Variants in NTRK1 observed in about 807,000 individuals in gnomAD.
NTRK1 encodes neurotrophic receptor tyrosine kinase 1, also known as high affinity nerve growth factor receptor.
A neutral mutation model predicts 86.8 loss-of-function variants in NTRK1; 62 were observed. That is an observed-to-expected ratio of 0.71 (90% CI 0.58 to 0.88). The LOEUF (loss-of-function observed/expected upper bound fraction) is 0.88, where lower values mean the gene tolerates loss of function less well. Among genes scored for constraint, NTRK1 ranks in the 40% least tolerant of loss-of-function variants. The probability of loss-of-function intolerance (pLI) is 0.00; values close to 1 mark genes in which losing one functional copy is unlikely to be tolerated. For synonymous variants in NTRK1, 469 were observed against 456.6 expected (o/e 1.03, Z -0.35); for missense variants, 967 against 1,078.4 (o/e 0.90, Z 1.45).
intron 6 of NTRK1, among the ~76,000 whole-genome samples, 175 bp downstream of exon 6, chr1:156,868,822 A>G (rs1647345023): frequency 2.0e-5 from 3 of 152,182 alleles, no homozygotes; most frequent in Admixed American, 1.3e-4. Context: ...GCTCTGGGGC[A>G]GCCCAGGGCA....
At chr1:156,853,564 G>T (rs1655304060) in intron 2 of NTRK1, among the ~76,000 whole-genome samples, 1 of 152,108 alleles carries the variant, frequency 6.6e-6, no homozygotes, top group African/African-American at 2.4e-5. Flanking sequence ...CTACCCCTTA[G>T]CTGTCTTATG....
Position 156,874,396 on chromosome 1 carries a change from G to A in NTRK1, c.1191G>A (p.Pro397=), listed in dbSNP as rs756623123. 1.4e-5 allele frequency: 23 copies of A among 1,613,930 alleles called. No homozygotes were observed. The highest frequency in any genetic ancestry group is 3.3e-5 in the Admixed American group (2 of 59,994). The change falls in exon 9 of 17, where the codon CCG becomes CCA. Residue 397 remains proline (P), a synonymous_variant. Transcript: ENST00000524377. ...CTCCTGCTGCAGTCTCCTTCTCGCCGGTGGGTGAGTAGCCCAAGGTGGAGG... is the reference window on the plus strand; with the variant it reads ...CTCCTGCTGCAGTCTCCTTCTCGCCAGTGGGTGAGTAGCCCAAGGTGGAGG... ...PEDPIPVSFS[P]VDTNSTSGDP... is the part of the protein sequence containing the mutation.
chr1:156,874,424 A>G (rs2102909117), intron 9 of NTRK1, 24 bp downstream of exon 9: 1 of 1,614,024 alleles, frequency 6.2e-7, no homozygotes. Context: ...GGTGGAGGGC[A>G]GGTTCTGCCT....
rs2102916477 is a variant in NTRK1 at position 156,875,945 on chromosome 1, G to A, written c.1502-135G>A. The A allele has an allele frequency of 4.4e-6, 6 of 1,369,004 alleles. No individual in the cohort carries two copies. In the South Asian group the frequency reaches 5.9e-5, roughly 13 times the overall value. 84.8% of individuals were successfully genotyped at this position (1,369,004 alleles called of 1,614,324 possible). A position where few individuals can be genotyped will look rare whatever the true frequency, so the allele number is the denominator to read the frequency against. On this transcript the variant is annotated intron_variant, in intron 12 of 16. Coordinates refer to ENST00000524377, the MANE Select transcript of NTRK1 (RefSeq NM_002529.4). ...ACATGGGGCTTGCTGAAGGGGTGCA[G>A]GTTGAATTTTAGCCCCCATGCAGTC...
intron 6 of NTRK1, among the ~76,000 whole-genome samples, chr1:156,870,510 G>T (rs1458034270): frequency 6.6e-6 from 1 of 152,230 alleles, no homozygotes; most frequent in Admixed American, 6.5e-5. Context: ...AGTTGGAGGG[G>T]ATGGGACAGC....
chr1:156,858,314 C>A (rs927809738), upstream of NTRK1, among the ~76,000 whole-genome samples: 2 of 152,156 alleles, frequency 1.3e-5, no homozygotes, highest in Non-Finnish European at 2.9e-5. Context: ...TCTACTTGTC[C>A]ACGTTTTGAA....
rs77261200 is a variant in NTRK1, at chr1:156,863,586, G to C, written c.213-768G>C. 5.2e-3 allele frequency among the ~76,000 whole-genome samples: 795 copies of C among 152,226 alleles called. 25 individuals are homozygous for C. The East Asian group carries it at 0.095, about 18-fold the overall frequency. On this transcript the variant is annotated intron_variant, in intron 1 of 16. Coordinates refer to ENST00000524377, the MANE Select transcript of NTRK1 (RefSeq NM_002529.4). The stretch of plus-strand genomic sequence containing the variant: ...GCTTGATCTGCTGAAAAGATGGTAG[G>C]GGAGGTTTCGGTGGAGTAGGGGTTG...
chr1:156,864,998 C>T, intron 3 of NTRK1, 199 bp downstream of exon 3: 1 of 642,174 alleles, frequency 1.6e-6, no homozygotes, highest in Non-Finnish European at 2.8e-6. Flanking sequence ...TAGAGGTCCT[C>T]CTTGCCATCT....
At chr1:156,868,419 T>TG in intron 5 of NTRK1, 86 bp from the exon 6 acceptor site, 1 of 1,541,972 alleles carries the variant, frequency 6.5e-7, no homozygotes, top group Non-Finnish European at 8.8e-7. Flanking sequence ...TTGAGGAGGG[T>TG]GGGGGAAGGA....
intron 2 of NTRK1, chr1:156,852,099 G>T (rs752256376): frequency 3.1e-6 from 5 of 1,613,734 alleles, no homozygotes; most frequent in Non-Finnish European, 4.2e-6. Context: ...ACACAGGCAC[G>T]AGGGTCTTCT....
At chr1:156,836,865 C>A (rs140465850) in intron 1 of NTRK1, among the ~76,000 whole-genome samples, 1 of 152,022 alleles carries the variant, frequency 6.6e-6, no homozygotes, top group South Asian at 2.1e-4. Context: ...TAAGCTGGAG[C>A]TGGACAAGCT....
intron 1 of NTRK1, among the ~76,000 whole-genome samples, chr1:156,817,755 G>C (rs941387635): frequency 6.6e-6 from 1 of 150,954 alleles, no homozygotes; most frequent in East Asian, 1.9e-4. Context: ...GGATTCTTGT[G>C]CCTCAGCCTC....
chr1:156,874,120 C>T (rs1159074052), intron 8 of NTRK1, 161 bp downstream of exon 8: 1 of 905,954 alleles, frequency 1.1e-6, no homozygotes, highest in Non-Finnish European at 1.7e-6. Context: ...CTTACCCTCT[C>T]CCCAAGCCAG....
chr1:156,868,422 G>A, intron 5 of NTRK1, 83 bp from the exon 6 acceptor site: 1 of 1,544,744 alleles, frequency 6.5e-7, no homozygotes. Context: ...AGGAGGGTGG[G>A]GGAAGGAGCA....
intron 2 of NTRK1, chr1:156,851,648 C>A (rs1021741804): frequency 6.2e-7 from 1 of 1,614,140 alleles, no homozygotes; most frequent in Non-Finnish European, 8.5e-7. Flanking sequence ...GTACTGACAG[C>A]CCTGGCGAAG....
At chr1:156,864,587 A>C in intron 2 of NTRK1, 141 bp from the exon 3 acceptor site, 1 of 1,117,060 alleles carries the variant, frequency 9.0e-7, no homozygotes, top group Non-Finnish European at 1.3e-6. Context: ...TGAGGGGTCT[A>C]GAGTAGTTGA....
upstream of NTRK1, among the ~76,000 whole-genome samples, chr1:156,859,435 G>T (rs1175893602): frequency 3.3e-5 from 5 of 152,152 alleles, no homozygotes; most frequent in Non-Finnish European, 7.4e-5. This position sits in a 1 kb window ranked among gnomAD's most constrained non-coding sequence, Gnocchi z 6.2. Context: ...TCTGGGGAGC[G>T]CTGTGTCTAG....
intron 1 of NTRK1, among the ~76,000 whole-genome samples, chr1:156,823,974 C>T (rs1018224458): frequency 7.9e-5 from 12 of 152,202 alleles, no homozygotes; most frequent in Non-Finnish European, 1.6e-4. Flanking sequence ...TCCATAGGCC[C>T]ATCTGCCAGT....
chr1:156,837,648 A>T (rs536807031), intron 1 of NTRK1: 1 of 152,298 alleles, frequency 6.6e-6, no homozygotes, highest in Non-Finnish European at 1.5e-5. Context: ...GGAGTTATGC[A>T]TGGGAGCCTC....
Sources: gnomAD v4.1 joint callset for allele counts (sites outside exome capture counted in the v4.1 genomes callset) on GRCh38, gnomAD v4.1.1 for gene constraint, Gnocchi (gnomAD v3.1) non-coding constraint, MANE v1.5 for transcripts, NCBI Gene and HGNC (gene_info 2026-07-23, HGNC 2026-07-21) for gene names.